Variants in PUS7 observed in about 807,000 individuals in gnomAD.
The protein encoded by PUS7 is pseudouridine synthase 7, also known as pseudouridylate synthase 7 homolog.
In PUS7, 48 loss-of-function variants were observed where a neutral mutation model predicts 79.8. The observed-to-expected ratio is 0.60, with a 90% CI of 0.48 to 0.76. The LOEUF is 0.76. Among genes scored for constraint, PUS7 ranks in the 30% least tolerant of loss-of-function variants. The pLI, the probability that PUS7 is intolerant of heterozygous loss-of-function variation, is 0.00. For synonymous variants in PUS7, 286 were observed against 272.2 expected (o/e 1.05, Z -0.50); for missense variants, 729 against 797.6 (o/e 0.91, Z 1.04).
chr7:105,485,271 G>A (rs527661365), intron 7 of PUS7, among the ~76,000 whole-genome samples: 4 of 152,270 alleles, frequency 2.6e-5, no homozygotes, highest in South Asian at 2.1e-4. Context: ...GCGCAATGGC[G>A]CGATCTTGGC....
intron 11 of PUS7, among the ~76,000 whole-genome samples, chr7:105,470,077 G>A (rs551935523): frequency 2.0e-5 from 3 of 152,258 alleles, no homozygotes; most frequent in African/African-American, 4.8e-5. Flanking sequence ...ATAATTCCAC[G>A]GTTAAAGAGA....
chr7:105,511,371 T>TG (rs1427773032), intron 1 of PUS7, among the ~76,000 whole-genome samples: 1 of 150,258 alleles, frequency 6.7e-6, no homozygotes, highest in African/African-American at 2.4e-5. Context: ...TGCCATAACA[T>TG]CTTTTGCCAC....
chr7:105,468,574 G>C, intron 11 of PUS7, 111 bp from the exon 12 acceptor site: 1 of 963,868 alleles, frequency 1.0e-6, no homozygotes, highest in Non-Finnish European at 1.5e-6. Context: ...CTGGAGTGCA[G>C]TGGCACGATC....
At chr7:105,503,089 G>A (rs1825320642) in intron 4 of PUS7, among the ~76,000 whole-genome samples, 1 of 152,190 alleles carries the variant, frequency 6.6e-6, no homozygotes, top group African/African-American at 2.4e-5. Flanking sequence ...ACAAAGCACT[G>A]TGGTCATCAT....
Position 105,475,295 on chromosome 7 carries a change from T to C in PUS7, c.1176-3102A>G, listed in dbSNP as rs557132554. Among the ~76,000 whole-genome samples the C allele has an allele frequency of 3.0e-3, 454 of 152,192 alleles. 2 individuals are homozygous for C. Among genetic ancestry groups the C allele is most frequent in the South Asian group, 0.02 (98 of 4,822 alleles). ...CCGCCTCCCGGGTTCACGCCATTCTTCTGCCTCAGCCTCCCAAGTAGCTGG... is the reference window on the plus strand; with the variant it reads ...CCGCCTCCCGGGTTCACGCCATTCTCCTGCCTCAGCCTCCCAAGTAGCTGG... On this transcript the variant is annotated intron_variant, in intron 9 of 15. Transcript: ENST00000469408.
At chr7:105,501,678 G>A (rs983956056) in intron 5 of PUS7, among the ~76,000 whole-genome samples, 16 of 151,990 alleles carry the variant, frequency 1.1e-4, no homozygotes, top group African/African-American at 2.4e-4. Flanking sequence ...GGTCTTGGCC[G>A]GGCGCACTGG....
At chr7:105,486,036 C>CTT (rs1364988720) in intron 7 of PUS7, among the ~76,000 whole-genome samples, 1 of 140,056 alleles carries the variant, frequency 7.1e-6, no homozygotes. Context: ...ATTTTTCTTT[C>CTT]TTTTTTTTTT....
intron 14 of PUS7, among the ~76,000 whole-genome samples, chr7:105,460,650 C>T (rs1419828747): frequency 4.0e-5 from 6 of 151,388 alleles, no homozygotes; most frequent in Non-Finnish European, 7.4e-5. Context: ...GTCAGGAGAT[C>T]GAGACCATCC....
chr7:105,468,519 G>T, intron 11 of PUS7, 56 bp from the exon 12 acceptor site: 5 of 1,460,710 alleles, frequency 3.4e-6, no homozygotes, highest in East Asian at 2.4e-5. Context: ...AAAAAGTGCT[G>T]TACTTTTTTT....
chr7:105,462,487 T>C (rs1466388938), intron 14 of PUS7, 134 bp downstream of exon 14: 6 of 986,890 alleles, frequency 6.1e-6, no homozygotes, highest in South Asian at 3.1e-5. Flanking sequence ...TATAATCTTA[T>C]GATACCACCA....
At chr7:105,512,144 CAAAAAAAAAAAAAAAAA>C (rs59884368) in intron 1 of PUS7, among the ~76,000 whole-genome samples, 3 of 68,826 alleles carry the variant, frequency 4.4e-5, no homozygotes, top group Admixed American at 2.3e-4. Context: ...GATTCTGTCT[CAAAAAAAAAAAAAAAAA>C]AAAAAAAAAA....
chr7:105,508,972 G>A (rs150045697), intron 1 of PUS7, among the ~76,000 whole-genome samples: 19,796 of 145,130 alleles, frequency 0.14, 1,732 homozygotes, highest in South Asian at 0.26. Context: ...CAAGGTCAGG[G>A]GTTCGAGATC....
chr7:105,469,180 C>G lies in PUS7; in HGVS notation c.1399-717G>C, dbSNP rs189954324. 1.7e-3 allele frequency among the ~76,000 whole-genome samples: 262 copies of G among 152,304 alleles called. 1 individual carries two copies. The highest frequency in any genetic ancestry group is 3.9e-3 in the South Asian group (19 of 4,826). ...TCAGCCTCCCAAAGTGCTGGGATTA[C>G]AGGCCTGAGCCACTGCACCCAGCCA... On this transcript the variant is annotated intron_variant, in intron 11 of 15. Transcript: ENST00000469408.
At chr7:105,491,457 A>C in intron 7 of PUS7, 83 bp downstream of exon 7, 3 of 858,548 alleles carry the variant, frequency 3.5e-6, no homozygotes, top group Non-Finnish European at 5.3e-6. Flanking sequence ...CTGAGAGAGA[A>C]ACCCCCAAAG....
intron 15 of PUS7, 125 bp from the exon 16 acceptor site, chr7:105,458,051 G>C: frequency 1.9e-6 from 2 of 1,075,266 alleles, no homozygotes; most frequent in African/African-American, 3.2e-5. Context: ...CTTCCTAGGG[G>C]GCCTTGGAGA....
chr7:105,507,249 T>C (rs1244766348), intron 2 of PUS7, among the ~76,000 whole-genome samples: 1 of 152,122 alleles, frequency 6.6e-6, no homozygotes, highest in African/African-American at 2.4e-5. Context: ...TTTCGCCATG[T>C]TGCCCAGGCT....
At chr7:105,490,790 G>A (rs1011574880) in intron 7 of PUS7, among the ~76,000 whole-genome samples, 11 of 152,288 alleles carry the variant, frequency 7.2e-5, no homozygotes, top group South Asian at 2.1e-4. Flanking sequence ...CATCCTTCTA[G>A]AATCTAGACC....
Position 105,457,922 on chromosome 7 carries a change from G to A in PUS7, c.1854C>T (p.Gly618=). The A allele has an allele frequency of 6.2e-7, 1 of 1,613,170 alleles. No homozygotes were observed. Among genetic ancestry groups the A allele is most frequent in the African/African-American group, 1.3e-5 (1 of 74,972 alleles). ...AATCCATTTTCAGAGCCCTGTATTT[G>A]CCTTCTGCAAGGCAAGAAAGAAAAC... ...GKTPPVFASE[G]KYRALKMDFS... Residue 618 remains glycine, a synonymous_variant, in exon 16 of 16, where the codon GGC becomes GGT. Transcript: ENST00000469408.
rs1389124603 is a variant in PUS7, at chr7:105,459,209, A to G, written c.1808T>C (p.Val603Ala). 1 of 1,612,118 alleles carries G rather than the reference A, an allele frequency of 6.2e-7. No individual in the cohort carries two copies. Among genetic ancestry groups the G allele is most frequent in the Non-Finnish European group, 8.5e-7 (1 of 1,178,806 alleles). The change falls in exon 15 of 16, where the codon GTG becomes GCG. Residue 603 changes from valine to alanine, a missense_variant. Coordinates refer to ENST00000469408, the MANE Select transcript of PUS7 (RefSeq NM_019042.5). ...TGGTGTCTTCCCTTCTAGGTTGTCCACATCTGTGTTGAAAAGTGGAATTTT... is the reference window on the plus strand; with the variant it reads ...TGGTGTCTTCCCTTCTAGGTTGTCCGCATCTGTGTTGAAAAGTGGAATTTT... ...DPKIPLFNTD[V>A]DNLEGKTPPV...
Sources: allele counts gnomAD v4.1 joint callset (sites outside exome capture counted in the v4.1 genomes callset), GRCh38; gene constraint gnomAD v4.1.1; transcripts MANE v1.5; gene names NCBI Gene and HGNC (gene_info 2026-07-23, HGNC 2026-07-21).